JAKMIP3: variants seen among roughly 807,000 people sequenced by gnomAD.
JAKMIP3 encodes the protein Janus kinase and microtubule interacting protein 3.
JAKMIP3 carries 58 observed loss-of-function variants against 118.5 expected under a neutral mutation model. The observed-to-expected ratio is 0.49, with a 90% CI of 0.40 to 0.61. The LOEUF (loss-of-function observed/expected upper bound fraction) is 0.61. Among genes scored for constraint, JAKMIP3 ranks in the 20% least tolerant of loss-of-function variants. JAKMIP3 has a pLI of 0.00. For synonymous variants in JAKMIP3, 486 were observed against 451.2 expected (o/e 1.08, Z -0.98); for missense variants, 950 against 1,109.0 (o/e 0.86, Z 2.04).
chr10:132,090,244 T>G (rs2042931852), intron 1 of JAKMIP3, among the ~76,000 whole-genome samples: 1 of 152,216 alleles, frequency 6.6e-6, no homozygotes, highest in Non-Finnish European at 1.5e-5. Context: ...TAGGGAGGAT[T>G]CCCTCTTTTT....
chr10:132,130,743 A>C (rs1216544113), intron 3 of JAKMIP3, among the ~76,000 whole-genome samples: 2 of 152,194 alleles, frequency 1.3e-5, no homozygotes, highest in Non-Finnish European at 2.9e-5. Flanking sequence ...TGTAGTGAGC[A>C]TGCTTCATGG....
chr10:132,128,393 A>C (rs1204404749), intron 3 of JAKMIP3, among the ~76,000 whole-genome samples: 2 of 152,068 alleles, frequency 1.3e-5, no homozygotes, highest in African/African-American at 4.8e-5. Flanking sequence ...TGTTTTTGTA[A>C]TTTTAAAAAA....
chr10:132,125,633 T>A (rs1221269751), intron 3 of JAKMIP3, among the ~76,000 whole-genome samples: 5 of 152,258 alleles, frequency 3.3e-5, no homozygotes, highest in Non-Finnish European at 7.3e-5. Context: ...TATTTACTGT[T>A]AGATTTTTCT....
At chr10:132,061,537 T>C (rs1003069202), upstream of JAKMIP3, among the ~76,000 whole-genome samples, 2 of 152,176 alleles carry the variant, frequency 1.3e-5, no homozygotes, top group African/African-American at 4.8e-5. Flanking sequence ...CAAGTTGATA[T>C]AAAAAGGCCA....
chr10:132,057,844 T>C (rs1043201463), intron 1 of JAKMIP3, among the ~76,000 whole-genome samples: 1 of 152,198 alleles, frequency 6.6e-6, no homozygotes, highest in African/African-American at 2.4e-5. Flanking sequence ...ATGCAGTGTG[T>C]TCTCTGCAGT....
At position 132,166,891 on chromosome 10, in the gene JAKMIP3, CTG is replaced by C. The variant is rs2058963601; in HGVS notation, c.2491-90_2491-89del. On this transcript the variant is annotated intron_variant, in intron 21 of 23. Transcript: ENST00000684848. Reference sequence around the variant, plus strand: ...CCCTGCCAACAGCTCTGTCTTCAGTCTGTAATCGCGTGTATTTCTTGCCAGAA... The same window carrying C: ...CCCTGCCAACAGCTCTGTCTTCAGTCTAATCGCGTGTATTTCTTGCCAGAA... 4.5e-6 allele frequency: 4 copies of C among 887,660 alleles called. No individual in the cohort carries two copies. The Admixed American group carries it at 8.5e-5, about 19-fold the overall frequency. The allele number at this position is 887,660 out of a possible 1,614,324, so 55.0% of individuals were successfully genotyped here. A position where few individuals can be genotyped will look rare whatever the true frequency, so the allele number is the denominator to read the frequency against.
At chr10:132,154,944 TATG>T (rs1238113010) in intron 19 of JAKMIP3, among the ~76,000 whole-genome samples, 1 of 8,068 alleles carries the variant, frequency 1.2e-4, no homozygotes, top group East Asian at 3.0e-3. Context: ...TGATGGTGAT[TATG>T]ATGGTGATAA....
intron 23 of JAKMIP3, chr10:132,169,877 A>T (rs987976944): frequency 4.6e-5 from 7 of 152,416 alleles, no homozygotes; most frequent in African/African-American, 1.7e-4. Flanking sequence ...AGCGAGGAGG[A>T]GGTGCGAAGG....
chr10:132,061,467 T>C (rs1011538227), upstream of JAKMIP3, among the ~76,000 whole-genome samples: 7 of 152,258 alleles, frequency 4.6e-5, no homozygotes, highest in African/African-American at 1.7e-4. Context: ...TCTTTCCCGG[T>C]TAATCTATAA....
At chr10:132,177,319 A>C (rs2137044895) in intron 23 of JAKMIP3, among the ~76,000 whole-genome samples, 1 of 152,402 alleles carries the variant, frequency 6.6e-6, no homozygotes, top group South Asian at 2.1e-4. Context: ...CACCAGATAC[A>C]AAATGAAACC....
At chr10:132,076,720 C>G (rs780873163) in intron 1 of JAKMIP3, among the ~76,000 whole-genome samples, 1 of 150,482 alleles carries the variant, frequency 6.6e-6, no homozygotes. Context: ...CGTGTGAGGA[C>G]TGGCCTGCAG....
intron 3 of JAKMIP3, among the ~76,000 whole-genome samples, chr10:132,129,875 CTTTT>C (rs5789115): frequency 2.2e-5 from 3 of 138,824 alleles, no homozygotes; most frequent in East Asian, 2.1e-4. Context: ...GCATCAGTAC[CTTTT>C]TTTTTTTTTT....
intron 2 of JAKMIP3, among the ~76,000 whole-genome samples, chr10:132,110,938 G>C (rs2046763606): frequency 6.6e-6 from 1 of 152,242 alleles, no homozygotes; most frequent in East Asian, 1.9e-4. Flanking sequence ...TTTTGTCGTG[G>C]ACACGAAGGC....
At chr10:132,130,544 C>T (rs1270493231) in intron 3 of JAKMIP3, among the ~76,000 whole-genome samples, 1 of 152,202 alleles carries the variant, frequency 6.6e-6, no homozygotes, top group East Asian at 1.9e-4. Flanking sequence ...GTGAGGGCTC[C>T]CTGCACAGGC....
chr10:132,141,836 G>A, intron 10 of JAKMIP3, 84 bp from the exon 11 acceptor site: 6 of 1,478,660 alleles, frequency 4.1e-6, no homozygotes, highest in Non-Finnish European at 5.4e-6. Context: ...GGGGAGAAGG[G>A]AAGCCCCGGG....
chr10:132,099,694 A>C (rs536904585), intron 1 of JAKMIP3, among the ~76,000 whole-genome samples: 4 of 152,280 alleles, frequency 2.6e-5, no homozygotes, highest in Admixed American at 2.0e-4. Flanking sequence ...CAAGTGCTTT[A>C]ATGCATGTCC....
At chr10:132,134,471 C>T (rs1315468905) in intron 4 of JAKMIP3, among the ~76,000 whole-genome samples, 3 of 152,206 alleles carry the variant, frequency 2.0e-5, no homozygotes, top group Non-Finnish European at 2.9e-5. Flanking sequence ...ATGTTTTCAC[C>T]AATTTTTGAG....
rs536459385 is a variant in JAKMIP3, at chr10:132,180,542, T to C, written c.*1104-1815T>C. ...GCAGAACTGTGTGTGTGTGTGTGTG[T>C]GTGCGTGCGTGCATGCGTGTGTGTG... On this transcript the variant is annotated intron_variant, in intron 23 of 23. Coordinates refer to ENST00000684848, the MANE Select transcript of JAKMIP3 (RefSeq NM_001323087.2). Among the ~76,000 whole-genome samples, 1,475 of 31,744 alleles carry C rather than the reference T, an allele frequency of 0.046. 444 individuals carry two copies. The East Asian group carries it at 0.56, about 12-fold the overall frequency. The allele number at this position is 31,744 out of a possible 152,430, so 20.8% of individuals were successfully genotyped here. A position where few individuals can be genotyped will look rare whatever the true frequency, so the allele number is the denominator to read the frequency against.
rs201838731 is a variant in JAKMIP3 at position 132,080,503 on chromosome 10, A to ATTTTTTTTTT, written c.-138+14469_-138+14478dup. On this transcript the variant is annotated intron_variant, in intron 1 of 23. Transcript: ENST00000684848. ...TATTTTCTTGCTGTCAAGTTATAGG[A>ATTTTTTTTTT]TTTTTTTTTTTTTTTTTTTTTTTTT... 6.5e-5 allele frequency among the ~76,000 whole-genome samples: 4 copies of ATTTTTTTTTT among 61,578 alleles called. 1 individual carries two copies. The highest frequency in any genetic ancestry group is 2.1e-4 in the African/African-American group (3 of 14,264). The allele number at this position is 61,578 out of a possible 152,430, so 40.4% of individuals were successfully genotyped here.
Sources: gnomAD v4.1 joint callset for allele counts (sites outside exome capture counted in the v4.1 genomes callset) on GRCh38, gnomAD v4.1.1 for gene constraint, MANE v1.5 for transcripts, NCBI Gene and HGNC (gene_info 2026-07-23, HGNC 2026-07-21) for gene names.